The following PRH1 variants were observed in gnomAD, a reference collection of about 807,000 sequenced individuals.
The protein encoded by PRH1 is salivary acidic proline-rich phosphoprotein 1/2.
In PRH1, 7 loss-of-function variants were observed where a neutral mutation model predicts 7.9. The ratio of observed to expected loss-of-function variants is 0.89; its 90% CI spans 0.50 to 1.67. The LOEUF (loss-of-function observed/expected upper bound fraction) is 1.67, where lower values mean the gene tolerates loss of function less well. Ranked by LOEUF, PRH1 falls within the 40% of genes most tolerant of loss-of-function variation. PRH1 has a pLI of 0.00. For synonymous variants in PRH1, 45 were observed against 80.8 expected, an observed-to-expected ratio of 0.56 and a Z score of 2.38; for missense variants, 109 against 223.6, an observed-to-expected ratio of 0.49 and a Z score of 3.27.
At chr12:10,943,705 T>C (rs1046877857) in intron 2 of PRH1, among the ~76,000 whole-genome samples, 1 of 152,178 alleles carries the variant, frequency 6.6e-6, no homozygotes, top group African/African-American at 2.4e-5. Context: ...CAGGTTTCTT[T>C]TTACATTTAG....
intron 1 of PRH1, among the ~76,000 whole-genome samples, chr12:10,992,139 A>G (rs144242274): frequency 6.3e-4 from 96 of 152,304 alleles, no homozygotes; most frequent in African/African-American, 2.1e-3. Flanking sequence ...AGCAGAGTTC[A>G]ATGATTGAAG....
rs1411360406 is a variant in PRH1, at chr12:11,149,449, T to C, written n.39+21973A>G. ...CAAGGCTACAGTAACCAAAACAGCA[T>C]GGTACTGGTACCAAAACAGAGATAT... On this transcript the variant is annotated intron_variant and non_coding_transcript_variant, in intron 1 of 1. Coordinates refer to the PRH1 transcript ENST00000541175. Among the ~76,000 whole-genome samples, 7 of 152,046 alleles carry C rather than the reference T, an allele frequency of 4.6e-5. No homozygotes were observed. The East Asian group carries it at 1.2e-3, about 25-fold the overall frequency.
chr12:11,167,079 T>G (rs2136469435), intron 1 of PRH1, among the ~76,000 whole-genome samples: 1 of 152,360 alleles, frequency 6.6e-6, no homozygotes, highest in South Asian at 2.1e-4. Flanking sequence ...TTGCAAAATC[T>G]CCATGCCATA....
At position 10,953,808 on chromosome 12, in the gene PRH1, T is replaced by C. The variant is rs1329261513; in HGVS notation, c.-59+19847A>G. ...AGAAGAATATACCCAAGACACATAG[T>C]CATCAGATTCTCCAAGGCGAAAATG... On this transcript the variant is annotated intron_variant, in intron 2 of 3. Transcript: ENST00000539853. Among the ~76,000 whole-genome samples the C allele has an allele frequency of 2.0e-5, 3 of 151,992 alleles. No individual in the cohort carries two copies. In the East Asian group the frequency reaches 5.8e-4, roughly 29 times the overall value.
intron 1 of PRH1, among the ~76,000 whole-genome samples, chr12:11,015,620 G>A (rs1591814208): frequency 6.6e-6 from 1 of 152,250 alleles, no homozygotes; most frequent in African/African-American, 2.4e-5. Flanking sequence ...CAGTCCATGA[G>A]ATGAAGTGGG....
intron 1 of PRH1, among the ~76,000 whole-genome samples, chr12:11,152,012 A>G (rs559574446): frequency 1.3e-5 from 2 of 151,542 alleles, no homozygotes; most frequent in African/African-American, 2.4e-5. Context: ...TTATTTTTAC[A>G]GTCGGGTGTT....
At chr12:11,050,767 G>A (rs201892522), upstream of PRH1, among the ~76,000 whole-genome samples, 24 of 149,474 alleles carry the variant, frequency 1.6e-4, no homozygotes, top group African/African-American at 5.7e-4. Context: ...ATTCACTCAT[G>A]TAATTTGCTT....
chr12:10,964,427 T>A, intron 2 of PRH1: 1 of 233,944 alleles, frequency 4.3e-6, no homozygotes, highest in East Asian at 1.0e-4. Context: ...AATCTAGAAA[T>A]TTGAGAGTTT....
intron 2 of PRH1, among the ~76,000 whole-genome samples, chr12:10,969,226 C>T (rs543473607): frequency 1.6e-4 from 24 of 152,286 alleles, no homozygotes; most frequent in Non-Finnish European, 2.9e-4. Flanking sequence ...TGAAGTCAAG[C>T]CACTTCTCTC....
At chr12:11,134,049 A>G in intron 1 of PRH1, 1 of 1,614,148 alleles carries the variant, frequency 6.2e-7, no homozygotes, top group South Asian at 1.1e-5. Flanking sequence ...GTTGCATACC[A>G]ATGTAGTAAT....
intron 1 of PRH1, among the ~76,000 whole-genome samples, chr12:11,037,716 G>T (rs1213629623): frequency 6.6e-6 from 1 of 152,184 alleles, no homozygotes; most frequent in African/African-American, 2.4e-5. Flanking sequence ...TACAGTTCTT[G>T]CTTATCTCTC....
In PRH1 at chr12:11,133,839, G is replaced by A. The variant is rs142677638; in HGVS notation, n.40-12659C>T. The A allele has an allele frequency of 1.5e-4, 237 of 1,613,990 alleles. 1 individual carries two copies. The African/African-American group carries it at 2.2e-3, about 15-fold the overall frequency. ...AGATGACAAACCAAAAATAGCAAAG[G>A]CCCCAACAGTATCACCAGAACAACA... On this transcript the variant is annotated intron_variant and non_coding_transcript_variant, in intron 1 of 1. Transcript: ENST00000541175.
intron 2 of PRH1, among the ~76,000 whole-genome samples, chr12:10,963,193 G>A (rs979811428): frequency 1.3e-5 from 2 of 152,068 alleles, no homozygotes; most frequent in Non-Finnish European, 2.9e-5. Flanking sequence ...ATAACTCCGA[G>A]AATTGATACA....
At chr12:11,015,720 T>C (rs533979942) in intron 1 of PRH1, among the ~76,000 whole-genome samples, 12 of 152,280 alleles carry the variant, frequency 7.9e-5, no homozygotes, top group African/African-American at 1.7e-4. Flanking sequence ...AGGAGGTATG[T>C]AGTACAGTGG....
chr12:11,045,625 A>G (rs1453078005), intron 1 of PRH1, among the ~76,000 whole-genome samples: 2 of 150,960 alleles, frequency 1.3e-5, no homozygotes, highest in Non-Finnish European at 3.0e-5. Flanking sequence ...GTTTACTGAT[A>G]AGGTAAATTA....
chr12:11,070,654 T>TG (rs1944024406), intron 1 of PRH1, among the ~76,000 whole-genome samples: 1 of 152,202 alleles, frequency 6.6e-6, no homozygotes, highest in South Asian at 2.1e-4. Flanking sequence ...TTCCTTCCTC[T>TG]GGGGAGGCAA....
At position 10,918,507 on chromosome 12, in the gene PRH1, A is replaced by T. The variant is rs541953111; in HGVS notation, c.-58-34232T>A. Among the ~76,000 whole-genome samples the T allele has an allele frequency of 3.9e-4, 59 of 152,328 alleles. No homozygotes were observed. The South Asian group carries it at 0.012, about 30-fold the overall frequency. ...GACAAAACTCTGTGGTGAAATCTCC[A>T]ATTATTTGTAAGATGAAGTCGTAGA... On this transcript the variant is annotated intron_variant, in intron 2 of 3. Transcript: ENST00000539853.
intron 1 of PRH1, among the ~76,000 whole-genome samples, chr12:11,124,935 C>T (rs1432139021): frequency 6.6e-6 from 1 of 152,088 alleles, no homozygotes; most frequent in Non-Finnish European, 1.5e-5. Context: ...CTCTGCCTCC[C>T]TGGTTCAATT....
intron 1 of PRH1, among the ~76,000 whole-genome samples, chr12:11,063,100 A>G (rs1375805562): frequency 1.3e-5 from 2 of 152,276 alleles, no homozygotes; most frequent in Admixed American, 6.5e-5. Flanking sequence ...TTTATCAAAC[A>G]TATCTCTAAT....
Sources: allele counts gnomAD v4.1 joint callset (sites outside exome capture counted in the v4.1 genomes callset), GRCh38; gene constraint gnomAD v4.1.1; transcripts MANE v1.5; gene names NCBI Gene and HGNC (gene_info 2026-07-23, HGNC 2026-07-21).